The following PAK3 variants were observed in gnomAD, a reference collection of about 807,000 sequenced individuals.
PAK3 encodes the protein p21 (RAC1) activated kinase 3, also known as serine/threonine-protein kinase PAK 3.
In PAK3, 4 loss-of-function variants were observed where a neutral mutation model predicts 41.0. The ratio of observed to expected loss-of-function variants is 0.10; its 90% confidence interval spans 0.05 to 0.22. PAK3 has a LOEUF of 0.22. Ranked by LOEUF, PAK3 falls within the 10% of genes least tolerant of loss-of-function variation. The pLI is 1.00. For synonymous variants in PAK3, 146 were observed against 139.6 expected (o/e 1.05, Z -0.32); for missense variants, 205 against 409.9 (o/e 0.50, Z 4.32).
At chrX:111,072,295 T>C (rs1710381732) in intron 1 of PAK3, among the ~76,000 whole-genome samples, 1 of 113,021 alleles carries the variant, frequency 8.8e-6, no homozygotes, top group African/African-American at 3.2e-5. Context: ...GTGGGCTTTT[T>C]ATTTTAAAAA....
chrX:111,082,044 T>G (rs1206624594), intron 1 of PAK3, among the ~76,000 whole-genome samples: 1 of 111,684 alleles, frequency 9.0e-6, no homozygotes, highest in Non-Finnish European at 1.9e-5. Flanking sequence ...AATAAGACCA[T>G]CACAATGAAA....
At chrX:111,137,563 A>G (rs952931322) in intron 5 of PAK3, among the ~76,000 whole-genome samples, 2 of 111,545 alleles carry the variant, frequency 1.8e-5, no homozygotes, top group Non-Finnish European at 3.8e-5. Context: ...AATGTTTCTG[A>G]TAGGACAAAC....
chrX:111,044,393 A>G (rs1398960984), intron 1 of PAK3, among the ~76,000 whole-genome samples: 2 of 112,194 alleles, frequency 1.8e-5, no homozygotes, highest in Non-Finnish European at 3.8e-5. Context: ...TCTTCTCCCA[A>G]GGGGAAACCT....
intron 1 of PAK3, among the ~76,000 whole-genome samples, chrX:111,076,546 C>T (rs2092787564): frequency 9.0e-6 from 1 of 111,633 alleles, no homozygotes; most frequent in Non-Finnish European, 1.9e-5. Flanking sequence ...GAGCAGATGC[C>T]AGTACCATAT....
intron 8 of PAK3, among the ~76,000 whole-genome samples, chrX:111,153,072 G>T (rs1444424089): frequency 7.2e-5 from 8 of 111,481 alleles, no homozygotes; most frequent in African/African-American, 2.3e-4. Flanking sequence ...CTTACATGTA[G>T]AACTTTGAGA....
In PAK3 at chrX:111,223,256, A is replaced by G. The variant is rs1237508632; in HGVS notation, c.*2809A>G. The G allele has an allele frequency of 1.8e-5, 2 of 110,872 alleles. No homozygotes were observed. Among genetic ancestry groups the G allele is most frequent in the African/African-American group, 3.3e-5 (1 of 30,454 alleles). 9.1% of individuals were successfully genotyped at this position (110,872 alleles called of 1,213,427 possible). On this transcript the variant is annotated 3_prime_UTR_variant, in exon 18 of 18. Transcript: ENST00000372007. The stretch of plus-strand genomic sequence containing the variant: ...TTCCAAAATGTCCTGAGTTAGGAAT[A>G]GGGCAGTGGGAAAGTCAGGGAAGGG...
intron 1 of PAK3, among the ~76,000 whole-genome samples, chrX:110,961,289 C>T (rs932259756): frequency 2.7e-5 from 3 of 111,739 alleles, no homozygotes; most frequent in African/African-American, 9.8e-5. Flanking sequence ...ATCTCAACTG[C>T]TCCCTGTAAA....
At chrX:110,991,356 C>A (rs538463108) in intron 1 of PAK3, among the ~76,000 whole-genome samples, 1 of 111,691 alleles carries the variant, frequency 9.0e-6, no homozygotes, top group East Asian at 2.8e-4. Flanking sequence ...CTATCATCAT[C>A]ATCACCAGTT....
At chrX:111,054,438 A>C (rs2092586699) in intron 1 of PAK3, among the ~76,000 whole-genome samples, 1 of 112,680 alleles carries the variant, frequency 8.9e-6, no homozygotes, top group Non-Finnish European at 1.9e-5. Flanking sequence ...AAAAAGCTGA[A>C]GTAGATAAGA....
At chrX:111,042,963 C>A in intron 1 of PAK3, among the ~76,000 whole-genome samples, 1 of 111,748 alleles carries the variant, frequency 8.9e-6, no homozygotes, top group Non-Finnish European at 1.9e-5. Context: ...CACGGGACAG[C>A]CAGACAGTAG....
chrX:111,019,154 A>G (rs1046881551), intron 1 of PAK3, among the ~76,000 whole-genome samples: 3 of 111,411 alleles, frequency 2.7e-5, no homozygotes, highest in African/African-American at 9.8e-5. Context: ...AGAAGAAAAC[A>G]TAGGGGAAAA....
At chrX:111,137,575 C>A (rs991969934) in intron 5 of PAK3, among the ~76,000 whole-genome samples, 2 of 111,198 alleles carry the variant, frequency 1.8e-5, no homozygotes, top group African/African-American at 3.3e-5. Context: ...AGGACAAACT[C>A]TTGCAGGTAA....
rs185674324 is a variant in PAK3, at chrX:111,163,552, G to T, written c.601-10G>T. On this transcript the variant is annotated splice_polypyrimidine_tract_variant and intron_variant, in intron 9 of 17. Coordinates refer to ENST00000372007, the MANE Select transcript of PAK3 (RefSeq NM_002578.5). Reference sequence around the variant, plus strand: ...GCTGTTTTAATTGCAGAGCTTTTTGGTTTTTTTAGATCTATACTCGTTCTG... The same window carrying T: ...GCTGTTTTAATTGCAGAGCTTTTTGTTTTTTTTAGATCTATACTCGTTCTG... 425 of 1,195,154 alleles carry T rather than the reference G, an allele frequency of 3.6e-4. 6 individuals carry two copies. In the East Asian group the frequency reaches 0.012, roughly 35 times the overall value.
chrX:111,194,112 A>T (rs912297293), intron 13 of PAK3, among the ~76,000 whole-genome samples, 189 bp from the exon 14 acceptor site: 2 of 111,516 alleles, frequency 1.8e-5, no homozygotes, highest in Non-Finnish European at 1.9e-5. Context: ...TCTTTGCCTG[A>T]ATTATAGGGC....
chrX:111,075,546 C>G (rs1479404854), intron 1 of PAK3, among the ~76,000 whole-genome samples: 1 of 112,774 alleles, frequency 8.9e-6, no homozygotes, highest in Non-Finnish European at 1.9e-5. Context: ...ACCTAGATTT[C>G]AGAGGATGTA....
chrX:111,086,109 A>T (rs1288936766), intron 1 of PAK3, among the ~76,000 whole-genome samples: 14 of 82,459 alleles, frequency 1.7e-4, no homozygotes, highest in Admixed American at 8.8e-4. Context: ...ACATGTGTGC[A>T]CTGGGCAGGG....
At chrX:110,978,677 CT>C (rs1193169974) in intron 1 of PAK3, among the ~76,000 whole-genome samples, 1 of 108,667 alleles carries the variant, frequency 9.2e-6, no homozygotes, top group African/African-American at 3.4e-5. Context: ...TTTCTTCTTT[CT>C]TTTTTCTTTC....
At chrX:111,206,510 G>A (rs1169111958) in intron 16 of PAK3, among the ~76,000 whole-genome samples, 1 of 112,292 alleles carries the variant, frequency 8.9e-6, no homozygotes, top group Non-Finnish European at 1.9e-5. Context: ...ATTTAAGCTA[G>A]GCTAACAGCC....
intron 5 of PAK3, among the ~76,000 whole-genome samples, chrX:111,131,841 C>T (rs2093722571): frequency 1.8e-5 from 2 of 111,928 alleles, no homozygotes; most frequent in South Asian, 7.5e-4. Context: ...ACCTGCAGGG[C>T]TGCTGTTGTC....
Sources: allele counts gnomAD v4.1 joint callset (sites outside exome capture counted in the v4.1 genomes callset), GRCh38; gene constraint gnomAD v4.1.1; transcripts MANE v1.5; gene names NCBI Gene and HGNC (gene_info 2026-07-23, HGNC 2026-07-21).